The following ZFYVE26 variants were observed in gnomAD, a reference collection of about 807,000 sequenced individuals.
ZFYVE26 encodes zinc finger FYVE-type containing 26.
ZFYVE26 carries 181 observed loss-of-function variants against 276.5 expected under a neutral mutation model. The observed-to-expected ratio is 0.65, with a 90% CI of 0.58 to 0.74. ZFYVE26 has a LOEUF of 0.74. ZFYVE26 is among the 30% of genes least tolerant of loss of function. The probability of loss-of-function intolerance (pLI) is 0.00; values close to 1 mark genes in which losing one functional copy is unlikely to be tolerated. For synonymous variants in ZFYVE26, 1,129 were observed against 1,203.1 expected, an observed-to-expected ratio of 0.94 and a Z score of 1.27; for missense variants, 2,821 against 3,097.9, an observed-to-expected ratio of 0.91 and a Z score of 2.12.
At chr14:67,751,503 C>G (rs1366222422) in intron 40 of ZFYVE26, 1 of 294,476 alleles carries the variant, frequency 3.4e-6, no homozygotes, top group Non-Finnish European at 6.6e-6. Context: ...GCCTCAGCCT[C>G]TAGAACAGCT....
At position 67,799,323 on chromosome 14, in the gene ZFYVE26, C is replaced by T. The variant is rs373926084; in HGVS notation, c.1640-701G>A. On this transcript the variant is annotated intron_variant, in intron 10 of 41. Transcript: ENST00000347230. ...AGGATAAGGAATATTGTTCAGCAAG[C>T]TATTGACGCCAGAGCGGTGCAATCC... 246 of 1,612,640 alleles carry T rather than the reference C, an allele frequency of 1.5e-4. 6 individuals are homozygous for T. The South Asian group carries it at 2.6e-3, about 17-fold the overall frequency.
Position 67,784,450 on chromosome 14 carries a change from G to T in ZFYVE26, c.3524-14C>A, listed in dbSNP as rs765511403. On this transcript the variant is annotated splice_polypyrimidine_tract_variant and intron_variant, in intron 19 of 41. Transcript: ENST00000347230. ...CCTCCACATGATCTGCAAAGGTAAA[G>T]AACATGATCTTTGTTTGCACCACTG... 4.3e-6 allele frequency: 7 copies of T among 1,611,054 alleles called. No homozygotes were observed. The highest frequency in any genetic ancestry group is 1.3e-5 in the African/African-American group (1 of 74,974).
At position 67,752,408 on chromosome 14, in the gene ZFYVE26, G is replaced by A; in HGVS notation, c.7307C>T (p.Ala2436Val). 6.2e-7 allele frequency: 1 copy of A among 1,613,252 alleles called. No individual in the cohort carries two copies. Among genetic ancestry groups the A allele is most frequent in the South Asian group, 1.1e-5 (1 of 90,764 alleles). The stretch of plus-strand genomic sequence containing the variant: ...GAGGATGGTGTCCCCGTCACTTTTG[G>A]CTGCCATGCCTGACTCACTGACACA... ...LKCVSESGMA[A>V]KSDGDTILLN... is the part of the protein sequence containing the mutation. The change falls in exon 40 of 42, where the codon GCC becomes GTC. Residue 2436 changes from alanine to valine, a missense_variant. By Grantham distance (64) the Ala-to-Val change is moderately conservative. Transcript: ENST00000347230.
At position 67,785,180 on chromosome 14, in the gene ZFYVE26, G is replaced by A; in HGVS notation, c.3402C>T (p.Leu1134=). 1 of 1,614,146 alleles carries A rather than the reference G, an allele frequency of 6.2e-7. No homozygotes were observed. The highest frequency in any genetic ancestry group is 8.5e-7 in the Non-Finnish European group (1 of 1,180,006). The change falls in exon 19 of 42, where the codon CTC becomes CTT. Residue 1134 remains leucine (L), a synonymous_variant. Transcript: ENST00000347230. Reference sequence around the variant, plus strand: ...GGGTCTGTTTGCCCAGGTTCTTCTGGAGGAGCTGAGTCTGGATCTGCACAG... The same window carrying A: ...GGGTCTGTTTGCCCAGGTTCTTCTGAAGGAGCTGAGTCTGGATCTGCACAG... ...AHPVQIQTQL[L]QKNLGKQTPS...
rs2140185423 is a variant in ZFYVE26 at position 67,756,023 on chromosome 14, G to A, written c.6711C>T (p.Tyr2237=). The change falls in exon 36 of 42, where the codon TAC becomes TAT. Residue 2237 remains tyrosine (Y), a synonymous_variant. Coordinates refer to ENST00000347230, the MANE Select transcript of ZFYVE26 (RefSeq NM_015346.4). ...IDPTLESWGK[Y]LIAACQHLQK... is the part of the protein sequence containing the mutation. ...GTAAATGTTGGCAGGCAGCAATCAA[G>A]TACTTTCCCCAGCTCTCCAAGGTTG... 11 of 1,614,232 alleles carry A rather than the reference G, an allele frequency of 6.8e-6. No individual in the cohort carries two copies. Among genetic ancestry groups the A allele is most frequent in the Non-Finnish European group, 8.5e-6 (10 of 1,180,044 alleles).
chr14:67,731,413 C>T (rs1405172587), intron 13 of ZFYVE26, among the ~76,000 whole-genome samples: 1 of 151,596 alleles, frequency 6.6e-6, no homozygotes, highest in East Asian at 1.9e-4. Flanking sequence ...TGGAGTTTTG[C>T]CATGTTGACC....
At chr14:67,783,881 T>C (rs930322393) in intron 20 of ZFYVE26, among the ~76,000 whole-genome samples, 1 of 152,248 alleles carries the variant, frequency 6.6e-6, no homozygotes, top group African/African-American at 2.4e-5. Context: ...ATTTTGCATA[T>C]AAATCATTTA....
At chr14:67,761,212 A>G in intron 35 of ZFYVE26, 154 bp downstream of exon 35, 1 of 749,366 alleles carries the variant, frequency 1.3e-6, no homozygotes, top group Non-Finnish European at 2.3e-6. Context: ...ACAGTTGTGC[A>G]GAGTCCCCTG....
At chr14:67,773,793 A>G (rs1331945043) in intron 27 of ZFYVE26, among the ~76,000 whole-genome samples, 2 of 152,200 alleles carry the variant, frequency 1.3e-5, no homozygotes, top group Non-Finnish European at 2.9e-5. Context: ...GGTCACAGAA[A>G]AAGAGAGATG....
At chr14:67,798,962 C>T (rs776887567) in intron 10 of ZFYVE26, 10 of 1,130,148 alleles carry the variant, frequency 8.8e-6, no homozygotes, top group African/African-American at 1.5e-5. Context: ...GCCGCGGTTT[C>T]GGTGGGAGGG....
Position 67,804,254 on chromosome 14 carries a change from G to C in ZFYVE26, c.1282C>G (p.Pro428Ala), listed in dbSNP as rs768844422. The change falls in exon 9 of 42, where the codon CCA (proline) becomes GCA (alanine). Residue 428 changes from proline (P) to alanine (A), a missense_variant. Coordinates refer to ENST00000347230, the MANE Select transcript of ZFYVE26 (RefSeq NM_015346.4). Reference protein sequence around the residue: ...WCIQQSSNPIPKRDLLYHLHG... With the variant: ...WCIQQSSNPIAKRDLLYHLHG... ...AAATGATACAACAGATCTCTCTTTG[G>C]TATGGGGTTGCTGAATGGAAAAGTT... 1.2e-6 allele frequency: 2 copies of C among 1,614,186 alleles called. No individual in the cohort carries two copies. Among genetic ancestry groups the C allele is most frequent in the South Asian group, 1.1e-5 (1 of 91,080 alleles).
chr14:67,815,612 G>A (rs2040385788), intron 2 of ZFYVE26, 158 bp downstream of exon 2: 4 of 739,826 alleles, frequency 5.4e-6, no homozygotes, highest in Non-Finnish European at 9.7e-6. Context: ...AGTAATGGAT[G>A]TATACTATAG....
rs533786307 is a variant in ZFYVE26 at position 67,783,533 on chromosome 14, G to A, written c.3627-8C>T. 2 of 1,611,182 alleles carry A rather than the reference G, an allele frequency of 1.2e-6. No homozygotes were observed. The highest frequency in any genetic ancestry group is 2.2e-5 in the East Asian group (1 of 44,884). Reference sequence around the variant, plus strand: ...GCCAGAAGGGCTGCCAGTCTGGAAGGAGAGAAGCAGAAAGCATACAAGGCC... The same window carrying A: ...GCCAGAAGGGCTGCCAGTCTGGAAGAAGAGAAGCAGAAAGCATACAAGGCC... On this transcript the variant is annotated splice_polypyrimidine_tract_variant and splice_region_variant and intron_variant, in intron 20 of 41. Coordinates refer to ENST00000347230, the MANE Select transcript of ZFYVE26 (RefSeq NM_015346.4).
At chr14:67,805,382 T>C in intron 7 of ZFYVE26, 72 bp downstream of exon 7, 1 of 1,613,218 alleles carries the variant, frequency 6.2e-7, no homozygotes, top group South Asian at 1.1e-5. Context: ...TTTAGGGCTC[T>C]GCATTCAGCC....
In ZFYVE26 at chr14:67,752,483, C is replaced by A; in HGVS notation, c.7232G>T (p.Arg2411Leu). ...GTACTTCTCTTTCTCCACCAACTGG[C>A]GGGCAGCTCTGCAGTAGGTCATGGC... ...DAAMTYCRAARQLVEKEKYSE... is the reference protein window; with the variant it reads ...DAAMTYCRAALQLVEKEKYSE... The change falls in exon 40 of 42, where the codon CGC (arginine) becomes CTC (leucine). Residue 2411 changes from arginine (R) to leucine (L), a missense_variant. Physicochemically the swap from Arg to Leu is moderately radical, Grantham distance 102 (BLOSUM62 -2). Coordinates refer to ENST00000347230, the MANE Select transcript of ZFYVE26 (RefSeq NM_015346.4). 1 of 1,614,080 alleles carries A rather than the reference C, an allele frequency of 6.2e-7. No homozygotes were observed.
intron 20 of ZFYVE26, 134 bp from the exon 21 acceptor site, chr14:67,783,659 C>G: frequency 8.6e-7 from 1 of 1,159,972 alleles, no homozygotes; most frequent in Non-Finnish European, 1.2e-6. Flanking sequence ...TTTTAAAACA[C>G]AAAAAGTAGC....
chr14:67,777,872 C>T, intron 24 of ZFYVE26, 137 bp from the exon 25 acceptor site: 1 of 1,219,074 alleles, frequency 8.2e-7, no homozygotes, highest in Non-Finnish European at 1.2e-6. Flanking sequence ...TTTTTTTTAA[C>T]CACCTCTGTA....
At chr14:67,750,622 T>G (rs148819303) in intron 41 of ZFYVE26, 1 of 232,030 alleles carries the variant, frequency 4.3e-6, no homozygotes, top group East Asian at 1.1e-4. Context: ...TGGACATTGT[T>G]GGTCAAAGTG....
rs139163400 is a variant in ZFYVE26 at position 67,762,745 on chromosome 14, A to G, written c.6086T>C (p.Ile2029Thr). ...CCTGGTTACTGCAGCTGGCTGCAAG[A>G]TCTGATCCAAAGATGGCACGTGGCG... ...AYRHVPSLDQ[I>T]LQPAAVTRLR... The change falls in exon 33 of 42, where the codon ATC (isoleucine) becomes ACC (threonine). Residue 2029 changes from isoleucine (I) to threonine (T), a missense_variant. Physicochemically the swap from Ile to Thr is moderately conservative, Grantham distance 89. Coordinates refer to ENST00000347230, the MANE Select transcript of ZFYVE26 (RefSeq NM_015346.4). 2,852 of 1,614,218 alleles carry G rather than the reference A, an allele frequency of 1.8e-3. 3 individuals carry two copies. The highest frequency in any genetic ancestry group is 2.1e-3 in the Non-Finnish European group (2,453 of 1,180,040).
Sources: allele counts gnomAD v4.1 joint callset (sites outside exome capture counted in the v4.1 genomes callset), GRCh38; gene constraint gnomAD v4.1.1; transcripts MANE v1.5; gene names NCBI Gene and HGNC (gene_info 2026-07-23, HGNC 2026-07-21).